The following STRN variants were observed in gnomAD, a reference collection of about 807,000 sequenced individuals.
STRN encodes the protein striatin, also known as protein phosphatase 2 regulatory subunit B'''alpha.
A neutral mutation model predicts 96.3 loss-of-function variants in STRN; 53 were observed. The observed-to-expected ratio is 0.55, with a 90% CI of 0.44 to 0.69. The LOEUF (loss-of-function observed/expected upper bound fraction) is 0.69, where lower values mean the gene tolerates loss of function less well. Among genes scored for constraint, STRN ranks in the 30% least tolerant of loss-of-function variants. The probability of loss-of-function intolerance (pLI) is 0.00; values close to 1 mark genes in which losing one functional copy is unlikely to be tolerated. For missense variants in STRN, 987 were observed against 963.9 expected (o/e 1.02, Z -0.32); for synonymous variants, 428 against 355.9 (o/e 1.20, Z -2.28).
intron 1 of STRN, among the ~76,000 whole-genome samples, chr2:36,949,422 G>A (rs903232655): frequency 2.0e-5 from 3 of 150,368 alleles, no homozygotes; most frequent in Non-Finnish European, 4.5e-5. Context: ...TAAAAAGAAT[G>A]TGTTAAACAA....
At chr2:36,936,079 T>C (rs553861333) in intron 1 of STRN, among the ~76,000 whole-genome samples, 25 of 152,204 alleles carry the variant, frequency 1.6e-4, no homozygotes, top group Admixed American at 4.6e-4. Context: ...ATGAAAACAA[T>C]TTCTCTAAAA....
Position 36,846,493 on chromosome 2 carries a change from T to G in STRN, c.*2963A>C, listed in dbSNP as rs1668081881. 1 of 143,544 alleles carries G rather than the reference T, an allele frequency of 7.0e-6. No individual in the cohort carries two copies. The highest frequency in any genetic ancestry group is 1.5e-5 in the Non-Finnish European group (1 of 66,504). The allele number at this position is 143,544 out of a possible 1,614,324, so 8.9% of individuals were successfully genotyped here. A position where few individuals can be genotyped will look rare whatever the true frequency, so the allele number is the denominator to read the frequency against. On this transcript the variant is annotated 3_prime_UTR_variant, in exon 18 of 18. Transcript: ENST00000263918. ...TATATTTATAAAATATACATACATT[T>G]TAGACATTTTCAAATAAATCTTCAT... is the stretch of plus-strand genomic sequence containing the variant.
At chr2:36,932,790 T>C (rs2148241899) in intron 1 of STRN, among the ~76,000 whole-genome samples, 1 of 152,264 alleles carries the variant, frequency 6.6e-6, no homozygotes, top group East Asian at 1.9e-4. Flanking sequence ...CATCCCTAAA[T>C]GTAAGATTAC....
At chr2:36,908,711 T>C (rs962620858) in intron 3 of STRN, among the ~76,000 whole-genome samples, 2 of 152,106 alleles carry the variant, frequency 1.3e-5, no homozygotes, top group African/African-American at 4.8e-5. Flanking sequence ...CAGTGGCTCA[T>C]GCCTGTAATA....
rs1453906275 is a variant in STRN at position 36,846,391 on chromosome 2, A to T, written c.*3065T>A. ...ACAGTAAAATGCACCTATGGTTTAT[A>T]TATATATATATATATATATATATAT... On this transcript the variant is annotated 3_prime_UTR_variant, in exon 18 of 18. Transcript: ENST00000263918. 2 of 30,856 alleles carry T rather than the reference A, an allele frequency of 6.5e-5. No individual in the cohort carries two copies. The highest frequency in any genetic ancestry group is 1.2e-4 in the Non-Finnish European group (1 of 8,654). The allele number at this position is 30,856 out of a possible 1,614,324, so 1.9% of individuals were successfully genotyped here.
At chr2:36,891,656 G>T (rs1669402848) in intron 7 of STRN, among the ~76,000 whole-genome samples, 1 of 152,108 alleles carries the variant, frequency 6.6e-6, no homozygotes, top group African/African-American at 2.4e-5. Flanking sequence ...TGTGCCACTG[G>T]GATTGTTCAA....
intron 1 of STRN, among the ~76,000 whole-genome samples, chr2:36,943,563 G>C (rs549390356): frequency 6.6e-6 from 1 of 150,934 alleles, no homozygotes; most frequent in South Asian, 2.1e-4. Context: ...CCAGCACTTC[G>C]GGAGGCTGAG....
intron 1 of STRN, among the ~76,000 whole-genome samples, chr2:36,950,909 A>T (rs1664737544): frequency 6.6e-6 from 1 of 152,204 alleles, no homozygotes; most frequent in African/African-American, 2.4e-5. Context: ...TGTAAGTTCC[A>T]GATAATTGAG....
intron 9 of STRN, among the ~76,000 whole-genome samples, chr2:36,879,853 G>A (rs1669020873): frequency 6.6e-6 from 1 of 152,178 alleles, no homozygotes; most frequent in Non-Finnish European, 1.5e-5. Flanking sequence ...GAATTGGCCA[G>A]GCTCGGAGGC....
chr2:36,938,834 A>C (rs949942287), intron 1 of STRN, among the ~76,000 whole-genome samples: 1 of 152,200 alleles, frequency 6.6e-6, no homozygotes, highest in Admixed American at 6.5e-5. Context: ...CTGCTGAATG[A>C]AACTTTAATT....
chr2:36,868,936 T>G (rs567257454), intron 11 of STRN, among the ~76,000 whole-genome samples: 2 of 150,374 alleles, frequency 1.3e-5, no homozygotes, highest in African/African-American at 4.9e-5. Context: ...CCCAAGCAAG[T>G]AGAACCAGAT....
chr2:36,862,660 C>T (rs1668521396), intron 12 of STRN, among the ~76,000 whole-genome samples: 1 of 151,912 alleles, frequency 6.6e-6, no homozygotes, highest in Non-Finnish European at 1.5e-5. Context: ...TTTTTCATGT[C>T]TGTTGGCCGC....
chr2:36,846,217 A>C lies in STRN; in HGVS notation c.*3239T>G, dbSNP rs1363536023. 6.7e-6 allele frequency: 1 copy of C among 150,258 alleles called. No individual in the cohort carries two copies. The highest frequency in any genetic ancestry group is 2.0e-4 in the East Asian group (1 of 5,120). 9.3% of individuals were successfully genotyped at this position (150,258 alleles called of 1,614,324 possible). A position where few individuals can be genotyped will look rare whatever the true frequency, so the allele number is the denominator to read the frequency against. ...AATACACTAGAATGACAGTCTTTAA[A>C]ACAAGCATGCTAGCCTATAATGAAT... is the stretch of plus-strand genomic sequence containing the variant. On this transcript the variant is annotated 3_prime_UTR_variant, in exon 18 of 18. Transcript: ENST00000263918.
At chr2:36,909,638 A>G in intron 3 of STRN, among the ~76,000 whole-genome samples, 1 of 152,138 alleles carries the variant, frequency 6.6e-6, no homozygotes, top group Middle Eastern at 3.2e-3. Context: ...ATGGCTGAAA[A>G]GTGCCAAATT....
chr2:36,909,575 A>T (rs548750338), intron 3 of STRN, among the ~76,000 whole-genome samples: 65 of 152,300 alleles, frequency 4.3e-4, no homozygotes, highest in African/African-American at 1.1e-3. Flanking sequence ...CCACCTAGAG[A>T]GAGTTTCCAG....
chr2:36,853,332 G>A (rs1668266208), intron 15 of STRN, among the ~76,000 whole-genome samples: 1 of 152,064 alleles, frequency 6.6e-6, no homozygotes, highest in African/African-American at 2.4e-5. Flanking sequence ...AGTCCAGCAA[G>A]AGAATAACAG....
At chr2:36,902,412 CATAA>C (rs1669710464) in intron 5 of STRN, among the ~76,000 whole-genome samples, 168 bp downstream of exon 5, 1 of 152,028 alleles carries the variant, frequency 6.6e-6, no homozygotes, top group Non-Finnish European at 1.5e-5. Context: ...TTAAAATAGT[CATAA>C]ATAACTCCAA....
intron 3 of STRN, among the ~76,000 whole-genome samples, chr2:36,908,121 C>T (rs1216104157): frequency 6.6e-6 from 1 of 152,106 alleles, no homozygotes; most frequent in Non-Finnish European, 1.5e-5. Flanking sequence ...CCAATATACC[C>T]CCTTCTTAAG....
At chr2:36,949,135 A>G (rs906832757) in intron 1 of STRN, among the ~76,000 whole-genome samples, 1 of 152,236 alleles carries the variant, frequency 6.6e-6, no homozygotes, top group Admixed American at 6.5e-5. Context: ...CTTGTGTTAC[A>G]TCTGCCTACA....
Sources: allele counts gnomAD v4.1 joint callset (sites outside exome capture counted in the v4.1 genomes callset), GRCh38; gene constraint gnomAD v4.1.1; transcripts MANE v1.5; gene names NCBI Gene and HGNC (gene_info 2026-07-23, HGNC 2026-07-21).